RNF14: variants seen among roughly 807,000 people sequenced by gnomAD.
The protein encoded by RNF14 is E3 ubiquitin-protein ligase RNF14.
RNF14 carries 26 observed loss-of-function variants against 52.6 expected under a neutral mutation model. That is an observed-to-expected ratio of 0.49 (90% CI 0.36 to 0.69). RNF14 has a LOEUF of 0.69. Among genes scored for constraint, RNF14 ranks in the 30% least tolerant of loss-of-function variants. The pLI, the probability that RNF14 is intolerant of heterozygous loss-of-function variation, is 0.00. For missense variants in RNF14, 404 were observed against 560.4 expected (o/e 0.72, Z 2.82); for synonymous variants, 194 against 202.0 (o/e 0.96, Z 0.34).
At chr5:141,987,692 C>T (rs369660821) in intron 8 of RNF14, 41 bp from the exon 9 acceptor site, 24 of 1,586,056 alleles carry the variant, frequency 1.5e-5, no homozygotes, top group African/African-American at 1.1e-4. Context: ...TATATTGTTT[C>T]GTTCAAGTGT....
At position 141,980,354 on chromosome 5, in the gene RNF14, A is replaced by G; in HGVS notation, c.1063+3A>G. 1 of 1,611,194 alleles carries G rather than the reference A, an allele frequency of 6.2e-7. No individual in the cohort carries two copies. The highest frequency in any genetic ancestry group is 1.7e-5 in the Admixed American group (1 of 60,014). On this transcript the variant is annotated splice_donor_region_variant and intron_variant, in intron 6 of 8. Coordinates refer to ENST00000394520, the MANE Select transcript of RNF14 (RefSeq NM_004290.5). ...CTCCCCATGTAAGGTGACTGCAGGT[A>G]TGTTTTAACTGTGAACCCAAACCCC...
intron 7 of RNF14, among the ~76,000 whole-genome samples, chr5:141,983,954 TAGAC>T (rs201158916): frequency 0.022 from 3,276 of 152,300 alleles, 108 homozygotes; most frequent in African/African-American, 0.075. Flanking sequence ...TCAAAATAAT[TAGAC>T]AGATATATTG....
At chr5:141,959,261 C>T (rs545398494) in intron 1 of RNF14, among the ~76,000 whole-genome samples, 31 of 152,138 alleles carry the variant, frequency 2.0e-4, no homozygotes, top group Non-Finnish European at 3.2e-4. Flanking sequence ...ATAAGAGTCC[C>T]GTGAAGCACA....
At chr5:141,955,237 G>A (rs1377197552), upstream of RNF14, 5 of 1,614,248 alleles carry the variant, frequency 3.1e-6, no homozygotes, top group Non-Finnish European at 4.2e-6. This position sits in a 1 kb window ranked among gnomAD's most constrained non-coding sequence, Gnocchi z 5.5. Context: ...TGGCTGGCCT[G>A]TGGCAGGCTG....
chr5:141,955,170 C>T (rs1309936899), upstream of RNF14: 2 of 1,614,212 alleles, frequency 1.2e-6, no homozygotes, highest in South Asian at 1.1e-5. The surrounding 1 kb of genome is among the most constrained non-coding windows in gnomAD (Gnocchi z 5.5). Context: ...CCTCACTGCC[C>T]TGGTCTCCAG....
upstream of RNF14, chr5:141,957,451 C>G (rs563608960): frequency 6.2e-7 from 1 of 1,612,094 alleles, no homozygotes; most frequent in Non-Finnish European, 8.5e-7. The surrounding 1 kb of genome is among the most constrained non-coding windows in gnomAD (Gnocchi z 4.3). Flanking sequence ...TTTGGGAAAC[C>G]GTGGCTGGTG....
chr5:141,985,001 C>T, intron 8 of RNF14, 68 bp downstream of exon 8: 3 of 1,386,082 alleles, frequency 2.2e-6, no homozygotes, highest in African/African-American at 1.4e-5. Context: ...ACCACAAATC[C>T]AGTGTTTTAT....
At chr5:141,966,561 G>C (rs1753354412), upstream of RNF14, among the ~76,000 whole-genome samples, 1 of 152,096 alleles carries the variant, frequency 6.6e-6, no homozygotes, top group Non-Finnish European at 1.5e-5. Flanking sequence ...TAGGCACACG[G>C]GGAGACTGCA....
upstream of RNF14, among the ~76,000 whole-genome samples, chr5:141,964,798 T>C (rs1415646421): frequency 5.0e-5 from 5 of 100,432 alleles, no homozygotes; most frequent in South Asian, 6.8e-4. Context: ...TTTTTTTTTT[T>C]GTATTTTTAG....
At chr5:141,958,408 G>T (rs1325276356) in exon 1 of RNF14, 1 of 153,964 alleles carries the variant, frequency 6.5e-6, no homozygotes, top group Non-Finnish European at 1.4e-5. Flanking sequence ...GAGGGAAAGG[G>T]AGCCTCTGCA....
chr5:141,988,217 A>G lies in RNF14; in HGVS notation c.*427A>G, dbSNP rs1266652953. On this transcript the variant is annotated 3_prime_UTR_variant, in exon 9 of 9. Coordinates refer to ENST00000394520, the MANE Select transcript of RNF14 (RefSeq NM_004290.5). ...ACTATTCCTTACAACTGGAGTGGGT[A>G]GAAGCCTTATGAAAATTATACTGAG... 1.3e-5 allele frequency: 2 copies of G among 157,146 alleles called. No homozygotes were observed. The highest frequency in any genetic ancestry group is 4.8e-5 in the African/African-American group (2 of 41,504). The allele number at this position is 157,146 out of a possible 1,614,324, so 9.7% of individuals were successfully genotyped here.
chr5:141,954,840 A>G (rs114463683), upstream of RNF14: 59 of 1,218,476 alleles, frequency 4.8e-5, no homozygotes, highest in African/African-American at 8.0e-4. Context: ...AACCATTGCT[A>G]CCCAAAGCAT....
chr5:141,978,298 C>A lies in RNF14; in HGVS notation c.307-5C>A. ...TCACCAACATCTTCATGTGTTTTCT[C>A]CTAGCTATCTGCTCTATGCAAGCAC... is the stretch of plus-strand genomic sequence containing the variant. On this transcript the variant is annotated splice_region_variant and splice_polypyrimidine_tract_variant and intron_variant, in intron 4 of 8. Coordinates refer to ENST00000394520, the MANE Select transcript of RNF14 (RefSeq NM_004290.5). 1 of 1,560,258 alleles carries A rather than the reference C, an allele frequency of 6.4e-7. No homozygotes were observed. Among genetic ancestry groups the A allele is most frequent in the South Asian group, 1.2e-5 (1 of 82,904 alleles).
chr5:141,958,051 G>C (rs1369597986), upstream of RNF14: 2 of 627,128 alleles, frequency 3.2e-6, no homozygotes, highest in East Asian at 5.6e-5. Flanking sequence ...AGCGATCTGA[G>C]ATGTCCAAAC....
chr5:141,971,231 A>T (rs1468995093), intron 2 of RNF14, among the ~76,000 whole-genome samples: 1 of 152,172 alleles, frequency 6.6e-6, no homozygotes, highest in East Asian at 1.9e-4. Flanking sequence ...ATGCTATTTT[A>T]AAAAACATTG....
At chr5:141,963,259 A>T (rs180887332), upstream of RNF14, 4 of 152,316 alleles carry the variant, frequency 2.6e-5, no homozygotes, top group East Asian at 7.7e-4. Flanking sequence ...AGATTTAGTA[A>T]ATAAAAATAC....
At chr5:141,987,468 C>T (rs1353624959) in intron 8 of RNF14, among the ~76,000 whole-genome samples, 1 of 152,082 alleles carries the variant, frequency 6.6e-6, no homozygotes, top group Non-Finnish European at 1.5e-5. Context: ...GGACTTAAGG[C>T]CAAAAGACAG....
the RNF14 span, chr5:141,952,883 G>A: frequency 2.0e-5 from 3 of 152,354 alleles, no homozygotes; most frequent in East Asian, 5.8e-4. Context: ...CCCTTAGGAG[G>A]TCCACCATGC....
intron 8 of RNF14, among the ~76,000 whole-genome samples, chr5:141,985,693 C>T (rs931182529): frequency 6.6e-6 from 1 of 152,178 alleles, no homozygotes; most frequent in Non-Finnish European, 1.5e-5. Context: ...GCTGGGACTA[C>T]AGGCGCCTGC....
Sources: gnomAD v4.1 joint callset for allele counts (sites outside exome capture counted in the v4.1 genomes callset) on GRCh38, gnomAD v4.1.1 for gene constraint, Gnocchi (gnomAD v3.1) non-coding constraint, MANE v1.5 for transcripts, NCBI Gene and HGNC (gene_info 2026-07-23, HGNC 2026-07-21) for gene names.